Variants in STT3B observed in about 807,000 individuals in gnomAD.
The protein encoded by STT3B is dolichyl-diphosphooligosaccharide--protein glycosyltransferase subunit STT3B.
Under a neutral mutation model 96.8 loss-of-function variants are expected in STT3B, and 29 were observed. That is an observed-to-expected ratio of 0.30 (90% CI 0.22 to 0.41). The LOEUF (loss-of-function observed/expected upper bound fraction) is 0.41, where lower values mean the gene tolerates loss of function less well. Ranked by LOEUF, STT3B falls within the 10% of genes least tolerant of loss-of-function variation. The pLI is 1.00. For synonymous variants in STT3B, 367 were observed against 360.0 expected, an observed-to-expected ratio of 1.02 and a Z score of -0.22; for missense variants, 640 against 1,022.3, an observed-to-expected ratio of 0.63 and a Z score of 5.10.
At chr3:31,607,532 A>AAAGGTGG (rs1699079782) in intron 5 of STT3B, among the ~76,000 whole-genome samples, 1 of 152,030 alleles carries the variant, frequency 6.6e-6, no homozygotes, top group Non-Finnish European at 1.5e-5. Flanking sequence ...CTTGCATGCC[A>AAAGGTGG]CCTTGATTGT....
intron 9 of STT3B, among the ~76,000 whole-genome samples, chr3:31,621,406 TAC>T (rs1699425562): frequency 6.6e-6 from 1 of 152,220 alleles, no homozygotes; most frequent in Non-Finnish European, 1.5e-5. Flanking sequence ...TTCATTGAGA[TAC>T]ACACTTAAGA....
chr3:31,595,931 G>C (rs914723515), intron 3 of STT3B, among the ~76,000 whole-genome samples: 3 of 152,140 alleles, frequency 2.0e-5, no homozygotes, highest in African/African-American at 4.8e-5. Context: ...TTGGCATTCA[G>C]GCTCTATAAG....
At chr3:31,628,967 G>A (rs905658140) in intron 13 of STT3B, among the ~76,000 whole-genome samples, 16 of 152,112 alleles carry the variant, frequency 1.1e-4, no homozygotes, top group African/African-American at 3.6e-4. Flanking sequence ...TTATTTGGGC[G>A]TGGTGCCGTG....
chr3:31,597,020 A>G (rs577542673), intron 4 of STT3B, among the ~76,000 whole-genome samples, 157 bp downstream of exon 4: 113 of 152,112 alleles, frequency 7.4e-4, no homozygotes, highest in Non-Finnish European at 1.3e-3. Context: ...TCCTGTATAC[A>G]CCTGCTTTGG....
chr3:31,552,831 C>G (rs556283622), intron 1 of STT3B, among the ~76,000 whole-genome samples: 3 of 152,098 alleles, frequency 2.0e-5, no homozygotes, highest in Admixed American at 6.5e-5. Context: ...AGGCCGGGCA[C>G]GGTGGCTCAC....
chr3:31,558,209 A>T (rs1697771018), intron 1 of STT3B, among the ~76,000 whole-genome samples: 1 of 152,144 alleles, frequency 6.6e-6, no homozygotes, highest in African/African-American at 2.4e-5. Flanking sequence ...TAGGATATCC[A>T]GTAGTATGTT....
chr3:31,550,284 G>T (rs1007996863), intron 1 of STT3B, among the ~76,000 whole-genome samples: 3 of 152,208 alleles, frequency 2.0e-5, no homozygotes, highest in African/African-American at 7.2e-5. Flanking sequence ...ATTGGAAGAT[G>T]CAGAGTAGCT....
At chr3:31,620,917 A>T (rs939614500) in intron 9 of STT3B, among the ~76,000 whole-genome samples, 5 of 152,196 alleles carry the variant, frequency 3.3e-5, no homozygotes, top group Admixed American at 3.3e-4. Context: ...AGGTTAATGG[A>T]TCCTGGATGA....
At chr3:31,617,209 A>G (rs1300402194) in intron 7 of STT3B, 134 bp downstream of exon 7, 7 of 549,206 alleles carry the variant, frequency 1.3e-5, no homozygotes, top group East Asian at 3.2e-5. Context: ...TTTGAATAGT[A>G]TATCTTAATT....
At chr3:31,602,030 T>TGGAGTTCCACTTGAGTCCA (rs1277490603) in intron 5 of STT3B, among the ~76,000 whole-genome samples, 1 of 152,034 alleles carries the variant, frequency 6.6e-6, no homozygotes, top group African/African-American at 2.4e-5. Context: ...AGGCTGAGGC[T>TGGAGTTCCACTTGAGTCCA]GGAGTTCCAC....
intron 1 of STT3B, among the ~76,000 whole-genome samples, chr3:31,566,540 C>T (rs987777617): frequency 3.3e-5 from 5 of 152,138 alleles, no homozygotes; most frequent in Non-Finnish European, 7.4e-5. Flanking sequence ...TCTTGAACAT[C>T]TTTTTCTTCC....
chr3:31,615,018 C>T, intron 5 of STT3B, 87 bp from the exon 6 acceptor site: 2 of 715,958 alleles, frequency 2.8e-6, no homozygotes, highest in South Asian at 4.4e-5. Context: ...TAATACTTTG[C>T]TAAAAACAGG....
intron 1 of STT3B, among the ~76,000 whole-genome samples, chr3:31,574,928 C>T (rs974347201): frequency 1.8e-4 from 28 of 152,174 alleles, no homozygotes; most frequent in African/African-American, 6.7e-4. Context: ...TTTTTTTATA[C>T]TTTTTATCTT....
chr3:31,630,788 T>C (rs1383007230), intron 14 of STT3B, among the ~76,000 whole-genome samples: 6 of 104,750 alleles, frequency 5.7e-5, no homozygotes, highest in Non-Finnish European at 1.3e-4. Context: ...CCGTGTTTTT[T>C]TGTGGTGTTT....
Position 31,533,419 on chromosome 3 carries a change from C to T in STT3B, c.314+107C>T, listed in dbSNP as rs376346841. 464 of 1,267,000 alleles carry T rather than the reference C, an allele frequency of 3.7e-4. 6 individuals carry two copies. In the East Asian group the frequency reaches 0.012, roughly 33 times the overall value. 78.5% of individuals were successfully genotyped at this position (1,267,000 alleles called of 1,614,324 possible). A position where few individuals can be genotyped will look rare whatever the true frequency, so the allele number is the denominator to read the frequency against. ...ACTTGGCCCCGCGCCGCCGCGGAGC[C>T]CCGCTCGCGTCCTGGCTGAGGCCGG... On this transcript the variant is annotated intron_variant, in intron 1 of 15. Coordinates refer to ENST00000295770, the MANE Select transcript of STT3B (RefSeq NM_178862.3).
At chr3:31,533,567 C>G (rs1697003795) in intron 1 of STT3B, 3 of 315,606 alleles carry the variant, frequency 9.5e-6, no homozygotes, top group African/African-American at 2.2e-5. Flanking sequence ...AGTGTGAAGA[C>G]TGCCAGGAGT....
At chr3:31,538,250 C>A (rs1000159147) in intron 1 of STT3B, among the ~76,000 whole-genome samples, 4 of 152,138 alleles carry the variant, frequency 2.6e-5, no homozygotes, top group Non-Finnish European at 5.9e-5. Context: ...CTTTGTTCCC[C>A]AACACCATGA....
At chr3:31,607,125 G>C (rs1699070219) in intron 5 of STT3B, among the ~76,000 whole-genome samples, 1 of 152,192 alleles carries the variant, frequency 6.6e-6, no homozygotes, top group Admixed American at 6.5e-5. Context: ...TATCTAGGAA[G>C]TAACTAACTT....
chr3:31,557,777 C>T (rs970424459), intron 1 of STT3B, among the ~76,000 whole-genome samples: 11 of 152,238 alleles, frequency 7.2e-5, no homozygotes, highest in African/African-American at 1.2e-4. Context: ...GGACCACAGG[C>T]GCCCGCCACC....
Sources: gnomAD v4.1 joint callset for allele counts (sites outside exome capture counted in the v4.1 genomes callset) on GRCh38, gnomAD v4.1.1 for gene constraint, MANE v1.5 for transcripts, NCBI Gene and HGNC (gene_info 2026-07-23, HGNC 2026-07-21) for gene names.